The following ACKR2 variants were observed in gnomAD, a reference collection of about 807,000 sequenced individuals.
The protein encoded by ACKR2 is C-C chemokine receptor D6.
For synonymous variants in ACKR2, 207 were observed against 192.2 expected (o/e 1.08, Z -0.64); for missense variants, 457 against 477.3 (o/e 0.96, Z 0.40).
chr3:42,860,187 A>AAAAAAAAAAAC (rs1340814378), intron 2 of ACKR2, among the ~76,000 whole-genome samples: 4 of 145,948 alleles, frequency 2.7e-5, no homozygotes, highest in Non-Finnish European at 3.0e-5. Context: ...AAAAAAAAAA[A>AAAAAAAAAAAC]AAGCAGGGGA....
intron 2 of ACKR2, among the ~76,000 whole-genome samples, chr3:42,834,344 C>T (rs932544241): frequency 6.6e-6 from 1 of 152,062 alleles, no homozygotes; most frequent in East Asian, 1.9e-4. Context: ...CCATATAAGA[C>T]GAGAACCTAA....
At chr3:42,826,977 A>G (rs1220558439) in intron 2 of ACKR2, among the ~76,000 whole-genome samples, 1 of 152,004 alleles carries the variant, frequency 6.6e-6, no homozygotes, top group East Asian at 1.9e-4. Flanking sequence ...TCTTTGACCC[A>G]TTGGTTATTT....
At chr3:42,823,175 TA>T (rs1700826550) in intron 2 of ACKR2, among the ~76,000 whole-genome samples, 1 of 152,216 alleles carries the variant, frequency 6.6e-6, no homozygotes, top group South Asian at 2.1e-4. Context: ...GTTTCACTTT[TA>T]AAAAGTTATC....
chr3:42,845,457 G>A (rs1701083713), intron 2 of ACKR2, among the ~76,000 whole-genome samples: 1 of 152,088 alleles, frequency 6.6e-6, no homozygotes, highest in African/African-American at 2.4e-5. Flanking sequence ...CACCTCCTGG[G>A]CTCAGGCAAT....
chr3:42,838,637 T>C (rs1701006884), intron 2 of ACKR2, among the ~76,000 whole-genome samples: 1 of 152,224 alleles, frequency 6.6e-6, no homozygotes, highest in Non-Finnish European at 1.5e-5. Context: ...GAAAAACAGT[T>C]TGACTGGTTT....
rs530605042 is a variant in ACKR2 at position 42,841,951 on chromosome 3, A to T, written c.-38+22240A>T. Among the ~76,000 whole-genome samples the T allele has an allele frequency of 1.1e-3, 160 of 151,898 alleles. 1 individual carries two copies. The highest frequency in any genetic ancestry group is 1.9e-3 in the Non-Finnish European group (128 of 67,970). ...CCTGGATTCAAAACCTGGCTCCATC[A>T]CTCCCTAGCATTGGGATTTTGGGCA... On this transcript the variant is annotated intron_variant, in intron 2 of 2. Coordinates refer to ENST00000422265, the MANE Select transcript of ACKR2 (RefSeq NM_001296.5).
rs2088429210 is a variant in ACKR2 at position 42,865,618 on chromosome 3, C to G, written c.1116C>G (p.Asn372Lys). The G allele has an allele frequency of 6.2e-7, 1 of 1,613,516 alleles. No individual in the cohort carries two copies. Among genetic ancestry groups the G allele is most frequent in the Admixed American group, 1.7e-5 (1 of 59,940 alleles). Residue 372 changes from asparagine to lysine, a missense_variant, in exon 3 of 3, where the codon AAC becomes AAG. Coordinates refer to ENST00000422265, the MANE Select transcript of ACKR2 (RefSeq NM_001296.5). ...MNDLGERQSE[N>K]YPNKEDVGNK... Reference sequence around the variant, plus strand: ...ACCTTGGAGAGAGGCAGTCTGAGAACTACCCTAACAAGGAGGATGTGGGGA... The same window carrying G: ...ACCTTGGAGAGAGGCAGTCTGAGAAGTACCCTAACAAGGAGGATGTGGGGA...
In ACKR2 at chr3:42,865,551, G is replaced by A. The variant is rs2088428648; in HGVS notation, c.1049G>A (p.Ser350Asn). 7 of 1,614,158 alleles carry A rather than the reference G, an allele frequency of 4.3e-6. No homozygotes were observed. Among genetic ancestry groups the A allele is most frequent in the Non-Finnish European group, 5.9e-6 (7 of 1,180,034 alleles). Residue 350 changes from serine (S) to asparagine (N), a missense_variant, in exon 3 of 3, where the codon AGC becomes AAC. By Grantham distance (46) the Ser-to-Asn change is conservative. Transcript: ENST00000422265. ...AQASLSSCSE[S>N]SILTAQEEMT... ...GCCTCATTATCCAGCTGTTCTGAGA[G>A]CAGCATACTTACTGCCCAAGAGGAA...
chr3:42,856,087 C>G (rs1214683461), intron 2 of ACKR2: 3 of 401,498 alleles, frequency 7.5e-6, no homozygotes, highest in Admixed American at 4.2e-5. Flanking sequence ...CTAGGAGTGT[C>G]CTTACTGCTG....
At chr3:42,821,567 A>G (rs1055352866) in intron 2 of ACKR2, among the ~76,000 whole-genome samples, 1 of 152,196 alleles carries the variant, frequency 6.6e-6, no homozygotes, top group African/African-American at 2.4e-5. Flanking sequence ...TTGGGTTTCC[A>G]TAGAGGCAGA....
At chr3:42,833,681 G>A (rs1202309308) in intron 2 of ACKR2, among the ~76,000 whole-genome samples, 4 of 150,152 alleles carry the variant, frequency 2.7e-5, no homozygotes, top group African/African-American at 9.7e-5. Flanking sequence ...ACTACTTAGT[G>A]GGAATGACGA....
At chr3:42,839,251 G>T in intron 2 of ACKR2, 1 of 151,968 alleles carries the variant, frequency 6.6e-6, no homozygotes. Flanking sequence ...TTGAGTGTGG[G>T]CCCTGCTGTC....
intron 2 of ACKR2, among the ~76,000 whole-genome samples, chr3:42,854,855 C>CTTT (rs1207262721): frequency 7.5e-6 from 1 of 133,862 alleles, no homozygotes; most frequent in Non-Finnish European, 1.6e-5. Flanking sequence ...TCATACCTTT[C>CTTT]TTTTTTTTTT....
At position 42,864,564 on chromosome 3, in the gene ACKR2, G is replaced by A; in HGVS notation, c.62G>A (p.Ser21Asn). Residue 21 changes from serine to asparagine, a missense_variant, in exon 3 of 3, where the codon AGC (serine) becomes AAC (asparagine). Transcript: ENST00000422265. ...ATEDADSENS[S>N]FYYYDYLDEV... ...GAGGATGCCGATTCTGAGAATAGCA[G>A]CTTCTATTACTATGACTACCTGGAT... 6.2e-7 allele frequency: 1 copy of A among 1,613,882 alleles called. No individual in the cohort carries two copies. The highest frequency in any genetic ancestry group is 2.2e-5 in the East Asian group (1 of 44,882).
intron 2 of ACKR2, among the ~76,000 whole-genome samples, 180 bp downstream of exon 2, chr3:42,819,891 T>C (rs1249633723): frequency 6.6e-6 from 1 of 152,246 alleles, no homozygotes; most frequent in Admixed American, 6.5e-5. Flanking sequence ...ACTGCCTCTC[T>C]GATTTCCCTC....
chr3:42,835,270 G>A (rs1411194280), intron 2 of ACKR2: 1 of 151,788 alleles, frequency 6.6e-6, no homozygotes, highest in African/African-American at 2.4e-5. Flanking sequence ...CTCTCCCATA[G>A]CATCTTCTAG....
At chr3:42,856,115 T>G in intron 2 of ACKR2, 2 of 426,388 alleles carry the variant, frequency 4.7e-6, no homozygotes, top group East Asian at 3.7e-5. Context: ...AAGGGAGGAG[T>G]TGAAGGCCAG....
At chr3:42,856,445 C>A in intron 2 of ACKR2, 1 of 700,118 alleles carries the variant, frequency 1.4e-6, no homozygotes, top group South Asian at 1.5e-5. Context: ...ACTGAGGACC[C>A]GAGTCAACAT....
At chr3:42,842,671 T>A (rs1701050890) in intron 2 of ACKR2, among the ~76,000 whole-genome samples, 2 of 152,264 alleles carry the variant, frequency 1.3e-5, no homozygotes, top group South Asian at 2.1e-4. Flanking sequence ...AAATTGAAGG[T>A]CACCACCCAG....
Sources: gnomAD v4.1 joint callset for allele counts (sites outside exome capture counted in the v4.1 genomes callset) on GRCh38, gnomAD v4.1.1 for gene constraint, MANE v1.5 for transcripts, NCBI Gene and HGNC (gene_info 2026-07-23, HGNC 2026-07-21) for gene names.